Variants in TRIM67 observed in about 807,000 individuals in gnomAD.
TRIM67 encodes tripartite motif-containing protein 67.
In TRIM67, 39 loss-of-function variants were observed where a neutral mutation model predicts 71.0. The ratio of observed to expected loss-of-function variants is 0.55; its 90% CI spans 0.43 to 0.72. The LOEUF (loss-of-function observed/expected upper bound fraction) is 0.72. Ranked by LOEUF, TRIM67 falls within the 30% of genes least tolerant of loss-of-function variation. TRIM67 has a pLI of 0.00. For missense variants in TRIM67, 973 were observed against 1,079.2 expected (o/e 0.90, Z 1.38); for synonymous variants, 481 against 473.9 (o/e 1.01, Z -0.19).
rs951513532 is a variant in TRIM67, at chr1:231,163,160, C to T, written c.191C>T (p.Ala64Val). 1 of 1,509,400 alleles carries T rather than the reference C, an allele frequency of 6.6e-7. No homozygotes were observed. Among genetic ancestry groups the T allele is most frequent in the African/African-American group, 1.4e-5 (1 of 70,392 alleles). 93.5% of individuals were successfully genotyped at this position (1,509,400 alleles called of 1,614,324 possible). The change falls in exon 1 of 10, where the codon GCT becomes GTT. Residue 64 changes from alanine (A) to valine (V), a missense_variant. Physicochemically the swap from Ala to Val is moderately conservative, Grantham distance 64. Transcript: ENST00000366653. ...GSGLQAGAAAAASLEHDAAAG... is the reference protein window; with the variant it reads ...GSGLQAGAAAVASLEHDAAAG... ...GGGCTGCAGGCGGGCGCCGCCGCCG[C>T]TGCCTCTCTGGAGCACGACGCTGCG...
At chr1:231,192,722 G>C (rs1389986986) in intron 1 of TRIM67, among the ~76,000 whole-genome samples, 2 of 152,238 alleles carry the variant, frequency 1.3e-5, no homozygotes, top group African/African-American at 4.8e-5. Flanking sequence ...TGCAGACCAG[G>C]GCACAGGGCC....
In TRIM67 at chr1:231,219,983, TG is replaced by T; in HGVS notation, c.*4548del. ...CTTTAATAGTGATTCATGGTATGAG[TG>T]GGGGCCAATCTCTTATCCTTTCTGT... On this transcript the variant is annotated 3_prime_UTR_variant, in exon 10 of 10. Coordinates refer to ENST00000366653, the MANE Select transcript of TRIM67 (RefSeq NM_001004342.5). 1.6e-6 allele frequency: 2 copies of T among 1,285,822 alleles called. No homozygotes were observed. Among genetic ancestry groups the T allele is most frequent in the Non-Finnish European group, 2.0e-6 (2 of 985,294 alleles). 79.7% of individuals were successfully genotyped at this position (1,285,822 alleles called of 1,614,324 possible).
chr1:231,175,537 G>C (rs753455485), intron 1 of TRIM67, among the ~76,000 whole-genome samples: 1 of 152,242 alleles, frequency 6.6e-6, no homozygotes, highest in Admixed American at 6.5e-5. Flanking sequence ...CCCATAAGGG[G>C]ATGTGAAGAG....
intron 7 of TRIM67, among the ~76,000 whole-genome samples, chr1:231,207,083 G>A (rs1393106472): frequency 2.0e-5 from 3 of 152,180 alleles, no homozygotes; most frequent in Admixed American, 2.0e-4. Flanking sequence ...AGGTGCATAC[G>A]CCTCACCCTG....
chr1:231,206,605 T>G (rs761210739), intron 6 of TRIM67, 47 bp from the exon 7 acceptor site: 1 of 1,496,668 alleles, frequency 6.7e-7, no homozygotes, highest in Non-Finnish European at 8.9e-7. Context: ...TAAGAGGAGC[T>G]TTCCAAATGC....
chr1:231,174,052 T>C (rs943373848), intron 1 of TRIM67, among the ~76,000 whole-genome samples: 1 of 152,138 alleles, frequency 6.6e-6, no homozygotes, highest in Non-Finnish European at 1.5e-5. Context: ...TCTCTTTCTC[T>C]CTCTCATCCT....
At position 231,206,636 on chromosome 1, in the gene TRIM67, C is replaced by T. The variant is rs780960402; in HGVS notation, c.1681-16C>T. On this transcript the variant is annotated splice_polypyrimidine_tract_variant and intron_variant, in intron 6 of 9. Transcript: ENST00000366653. ...AATGCTAGAGGAGCCTGGTGAGCAG[C>T]ATTGCTCTCTTTCAGGAAGTGTACG... 6.4e-7 allele frequency: 1 copy of T among 1,571,976 alleles called. No homozygotes were observed. Among genetic ancestry groups the T allele is most frequent in the Admixed American group, 1.9e-5 (1 of 53,862 alleles).
intron 1 of TRIM67, among the ~76,000 whole-genome samples, chr1:231,187,323 G>T (rs1683110199): frequency 6.6e-6 from 1 of 151,998 alleles, no homozygotes; most frequent in African/African-American, 2.4e-5. Context: ...GTGCCTCAGT[G>T]GTATCCGTGC....
intron 5 of TRIM67, among the ~76,000 whole-genome samples, chr1:231,203,132 T>A (rs1487406661): frequency 6.6e-6 from 1 of 151,572 alleles, no homozygotes; most frequent in Non-Finnish European, 1.5e-5. Flanking sequence ...AAAACCAGTG[T>A]TTCAATTTTC....
intron 1 of TRIM67, among the ~76,000 whole-genome samples, chr1:231,183,826 G>A (rs1682976099): frequency 6.6e-6 from 1 of 152,288 alleles, no homozygotes; most frequent in South Asian, 2.1e-4. Context: ...TGCATTTGAG[G>A]AAAATGAGGG....
chr1:231,203,762 G>T, intron 5 of TRIM67, 105 bp from the exon 6 acceptor site: 1 of 1,429,492 alleles, frequency 7.0e-7, no homozygotes, highest in Non-Finnish European at 9.4e-7. Context: ...AATTTAGCCT[G>T]GCTGTCCTCT....
In TRIM67 at chr1:231,219,120, G is replaced by A. The variant is rs751673063; in HGVS notation, c.*3680G>A. 3 of 985,432 alleles carry A rather than the reference G, an allele frequency of 3.0e-6. No individual in the cohort carries two copies. The highest frequency in any genetic ancestry group is 3.6e-6 in the Non-Finnish European group (3 of 829,994). The allele number at this position is 985,432 out of a possible 1,614,324, so 61.0% of individuals were successfully genotyped here. On this transcript the variant is annotated 3_prime_UTR_variant, in exon 10 of 10. Coordinates refer to ENST00000366653, the MANE Select transcript of TRIM67 (RefSeq NM_001004342.5). ...GGTAGTGAGGGAGGGTCAATCCTTA[G>A]GGGGAGTCAACATGTGAATGCTAAA... is the stretch of plus-strand genomic sequence containing the variant.
intron 1 of TRIM67, among the ~76,000 whole-genome samples, chr1:231,179,509 G>A (rs1222315845): frequency 6.6e-6 from 1 of 152,168 alleles, no homozygotes; most frequent in Non-Finnish European, 1.5e-5. Context: ...TAATTAGTTG[G>A]TTAATGTCAC....
intron 5 of TRIM67, among the ~76,000 whole-genome samples, chr1:231,203,331 A>G (rs1683602314): frequency 1.3e-5 from 2 of 152,114 alleles, no homozygotes; most frequent in East Asian, 3.9e-4. Flanking sequence ...TGTTGCCTGG[A>G]TCTTGTTCAC....
rs1200678764 is a variant in TRIM67 at position 231,217,774 on chromosome 1, C to T, written c.*2334C>T. On this transcript the variant is annotated 3_prime_UTR_variant, in exon 10 of 10. Transcript: ENST00000366653. ...TCGCCCATCATTGGAGCACAAGTTG[C>T]CTGGGGCTACCCTGAACCTAACCCC... The T allele has an allele frequency of 7.8e-7, 1 of 1,282,756 alleles. No homozygotes were observed. The highest frequency in any genetic ancestry group is 1.0e-6 in the Non-Finnish European group (1 of 985,676). The allele number at this position is 1,282,756 out of a possible 1,614,324, so 79.5% of individuals were successfully genotyped here. A position where few individuals can be genotyped will look rare whatever the true frequency, so the allele number is the denominator to read the frequency against.
chr1:231,163,858 G>T lies in TRIM67; in HGVS notation c.889G>T (p.Ala297Ser), dbSNP rs751703346. 1 of 1,563,146 alleles carries T rather than the reference G, an allele frequency of 6.4e-7. No individual in the cohort carries two copies. The highest frequency in any genetic ancestry group is 1.2e-5 in the South Asian group (1 of 84,636). ...AGAGATGGST[A>S]RKFPTCPEHE... ...GGCGGGGGCGACTGGGGGCAGCACG[G>T]CCCGCAAGTTCCCCACGTGTCCCGA... The change falls in exon 1 of 10, where the codon GCC (alanine) becomes TCC (serine). Residue 297 changes from alanine (A) to serine (S), a missense_variant. Ala to Ser is a moderately conservative substitution (Grantham distance 99). Transcript: ENST00000366653.
chr1:231,218,768 G>C lies in TRIM67; in HGVS notation c.*3328G>C. 1.0e-6 allele frequency: 1 copy of C among 985,422 alleles called. No homozygotes were observed. The highest frequency in any genetic ancestry group is 1.2e-6 in the Non-Finnish European group (1 of 829,936). 61.0% of individuals were successfully genotyped at this position (985,422 alleles called of 1,614,324 possible). On this transcript the variant is annotated 3_prime_UTR_variant, in exon 10 of 10. Transcript: ENST00000366653. ...CCCTAGGTGCCCTATGGCCCACCAA[G>C]TTTGAGGAGGGTGGTGCTTTCCGGA...
intron 6 of TRIM67, among the ~76,000 whole-genome samples, chr1:231,204,529 T>A (rs1473476728): frequency 2.0e-5 from 3 of 152,020 alleles, no homozygotes; most frequent in Non-Finnish European, 4.4e-5. Flanking sequence ...GCAATAAAGG[T>A]TCTTAGTGAG....
intron 1 of TRIM67, among the ~76,000 whole-genome samples, chr1:231,166,264 A>G (rs959857253): frequency 2.6e-5 from 4 of 152,238 alleles, no homozygotes; most frequent in Non-Finnish European, 5.9e-5. Context: ...AAGAATGAAT[A>G]GAAGTGCTGC....
Sources: allele counts gnomAD v4.1 joint callset (sites outside exome capture counted in the v4.1 genomes callset), GRCh38; gene constraint gnomAD v4.1.1; transcripts MANE v1.5; gene names NCBI Gene and HGNC (gene_info 2026-07-23, HGNC 2026-07-21).